Variants in ARHGEF10 observed in about 807,000 individuals in gnomAD.
ARHGEF10 encodes the protein Rho guanine nucleotide exchange factor 10.
In ARHGEF10, 140 loss-of-function variants were observed where a neutral mutation model predicts 147.4. The observed-to-expected ratio is 0.95, with a 90% CI of 0.83 to 1.09. The LOEUF (loss-of-function observed/expected upper bound fraction) is 1.09, where lower values mean the gene tolerates loss of function less well. Ranked by LOEUF, ARHGEF10 falls within the 50% of genes least tolerant of loss-of-function variation. The pLI, the probability that ARHGEF10 is intolerant of heterozygous loss-of-function variation, is 0.00. For synonymous variants in ARHGEF10, 902 were observed against 695.8 expected (o/e 1.30, Z -4.67); for missense variants, 2,222 against 1,752.7 (o/e 1.27, Z -4.78).
At chr8:1,940,678 C>A (rs1223467511) in intron 26 of ARHGEF10, among the ~76,000 whole-genome samples, 1 of 152,178 alleles carries the variant, frequency 6.6e-6, no homozygotes, top group East Asian at 1.9e-4. Context: ...GACAAGAAAA[C>A]CACAGACCGG....
intron 15 of ARHGEF10, 43 bp downstream of exon 15, chr8:1,898,568 C>T (rs539884616): frequency 2.1e-5 from 33 of 1,574,644 alleles, no homozygotes; most frequent in East Asian, 9.0e-5. Flanking sequence ...TCCTCTGGCT[C>T]GCCCATGACT....
At chr8:1,922,166 C>G (rs1043747727) in intron 18 of ARHGEF10, among the ~76,000 whole-genome samples, 1 of 151,672 alleles carries the variant, frequency 6.6e-6, no homozygotes, top group Non-Finnish European at 1.5e-5. Context: ...CACAGGAAGC[C>G]CTCTGTGAGG....
intron 2 of ARHGEF10, among the ~76,000 whole-genome samples, chr8:1,856,826 C>T (rs1237385833): frequency 6.6e-6 from 1 of 152,190 alleles, no homozygotes; most frequent in African/African-American, 2.4e-5. Context: ...GAGGTTTCCT[C>T]AGGAACGTGT....
intron 18 of ARHGEF10, among the ~76,000 whole-genome samples, chr8:1,921,121 T>A (rs1344225236): frequency 1.3e-5 from 2 of 152,212 alleles, no homozygotes; most frequent in African/African-American, 4.8e-5. Flanking sequence ...ATACTTCAAA[T>A]GCAGTTAGTA....
intron 7 of ARHGEF10, among the ~76,000 whole-genome samples, chr8:1,875,493 G>A (rs7011997): frequency 0.3 from 45,411 of 152,086 alleles, 7,368 homozygotes; most frequent in African/African-American, 0.38. Context: ...CCATTCATCC[G>A]CTGAGCTGAG....
intron 27 of ARHGEF10, among the ~76,000 whole-genome samples, chr8:1,946,340 C>G (rs1007583650): frequency 6.6e-6 from 1 of 152,200 alleles, no homozygotes; most frequent in Admixed American, 6.5e-5. Flanking sequence ...GCTCTGCCTC[C>G]GAGCCCTTCG....
chr8:1,824,518 T>C (rs1019498819), intron 1 of ARHGEF10, among the ~76,000 whole-genome samples: 17 of 151,738 alleles, frequency 1.1e-4, no homozygotes, highest in Non-Finnish European at 2.1e-4. Context: ...AGGACCGGTG[T>C]AAGGAAAGCC....
chr8:1,897,683 C>A (rs1585446773), intron 14 of ARHGEF10, among the ~76,000 whole-genome samples: 2 of 152,306 alleles, frequency 1.3e-5, no homozygotes, highest in East Asian at 3.9e-4. Flanking sequence ...GCTAGGGAAC[C>A]ATCTCTTTCT....
At chr8:1,954,153 G>A (rs1815290626) in intron 28 of ARHGEF10, among the ~76,000 whole-genome samples, 1 of 152,100 alleles carries the variant, frequency 6.6e-6, no homozygotes, top group African/African-American at 2.4e-5. Flanking sequence ...GAGTCCAGTG[G>A]CACAGTCTCG....
rs1363768504 is a variant in ARHGEF10, at chr8:1,919,158, C to A, written c.2144-3806C>A. Among the ~76,000 whole-genome samples the A allele has an allele frequency of 3.1e-5, 3 of 97,400 alleles. No individual in the cohort carries two copies. The South Asian group carries it at 1.1e-3, about 35-fold the overall frequency. 63.9% of individuals were successfully genotyped at this position (97,400 alleles called of 152,430 possible). ...TGTTCCATGGGTGATGGAGCTGTTC[C>A]GTGGGTGATGGAGCTGTTCTCTGGG... On this transcript the variant is annotated intron_variant, in intron 18 of 28. Coordinates refer to ENST00000349830, the MANE Select transcript of ARHGEF10 (RefSeq NM_014629.4).
rs1238260888 is a variant in ARHGEF10 at position 1,894,180 on chromosome 8, A to AAC, written c.1261-212_1261-211insCA. 8.6e-5 allele frequency among the ~76,000 whole-genome samples: 13 copies of AAC among 151,464 alleles called. No homozygotes were observed. In the East Asian group the frequency reaches 2.5e-3, roughly 30 times the overall value. On this transcript the variant is annotated intron_variant, in intron 12 of 28. Coordinates refer to ENST00000349830, the MANE Select transcript of ARHGEF10 (RefSeq NM_014629.4). Reference sequence around the variant, plus strand: ...CAGACTGAGACTGTCTCAAAAAAAAAAAAAAGAAAAATGTCTGAAGCAGCC... The same window carrying AAC: ...CAGACTGAGACTGTCTCAAAAAAAAAACAAAAAGAAAAATGTCTGAAGCAGCC...
intron 15 of ARHGEF10, among the ~76,000 whole-genome samples, chr8:1,902,763 A>T (rs756699909): frequency 6.6e-6 from 1 of 152,138 alleles, no homozygotes; most frequent in Admixed American, 6.5e-5. Context: ...CCACCACGAT[A>T]GTGTCATGCA....
chr8:1,823,620 G>A (rs928982062), upstream of ARHGEF10, among the ~76,000 whole-genome samples: 1 of 151,854 alleles, frequency 6.6e-6, no homozygotes, highest in Non-Finnish European at 1.5e-5. Context: ...CAGATGTTGG[G>A]GGCGGGGAGG....
chr8:1,866,575 G>C lies in ARHGEF10; in HGVS notation c.595G>C (p.Asp199His). ...CAGCGCACTTGCCCGCTGGGCCGCA[G>C]ACCCGGCCAACACAGCCTGGATGGA... ...EDSALARWAA[D>H]PANTAWMENP... The change falls in exon 6 of 29, where the codon GAC becomes CAC. Residue 199 changes from aspartate to histidine, a missense_variant. Coordinates refer to ENST00000349830, the MANE Select transcript of ARHGEF10 (RefSeq NM_014629.4). The C allele has an allele frequency of 6.2e-7, 1 of 1,607,690 alleles. No individual in the cohort carries two copies. Among genetic ancestry groups the C allele is most frequent in the Non-Finnish European group, 8.5e-7 (1 of 1,179,974 alleles).
intron 2 of ARHGEF10, among the ~76,000 whole-genome samples, chr8:1,857,393 T>A (rs1487287808): frequency 5.3e-5 from 8 of 152,012 alleles, no homozygotes; most frequent in African/African-American, 1.9e-4. Flanking sequence ...AAAGCTCTTT[T>A]TTCCCCTTAC....
chr8:1,871,861 TC>T (rs1350914733), intron 7 of ARHGEF10, among the ~76,000 whole-genome samples: 1 of 151,820 alleles, frequency 6.6e-6, no homozygotes, highest in East Asian at 1.9e-4. Flanking sequence ...GAACTGAGTA[TC>T]CAGCCAGCTG....
chr8:1,916,236 C>T (rs1811753378), intron 18 of ARHGEF10, among the ~76,000 whole-genome samples: 1 of 152,204 alleles, frequency 6.6e-6, no homozygotes, highest in Non-Finnish European at 1.5e-5. Context: ...GAAAGGTGCG[C>T]ATGCAGGAGG....
rs11987278 is a variant in ARHGEF10 at position 1,909,064 on chromosome 8, C to T, written c.1968-231C>T. ...AAAACCTCGGAGCTTCCGGGAGATCCGTCCCCTGTGCGGCTCTTCCCTGCA... is the reference window on the plus strand; with the variant it reads ...AAAACCTCGGAGCTTCCGGGAGATCTGTCCCCTGTGCGGCTCTTCCCTGCA... On this transcript the variant is annotated intron_variant, in intron 17 of 28. Transcript: ENST00000349830. Among the ~76,000 whole-genome samples, 1,125 of 152,292 alleles carry T rather than the reference C, an allele frequency of 7.4e-3. 13 individuals are homozygous for T. Among genetic ancestry groups the T allele is most frequent in the African/African-American group, 0.025 (1,038 of 41,546 alleles).
At chr8:1,893,874 A>C (rs1446637614) in intron 12 of ARHGEF10, among the ~76,000 whole-genome samples, 1 of 152,150 alleles carries the variant, frequency 6.6e-6, no homozygotes, top group African/African-American at 2.4e-5. Flanking sequence ...TCATTTATCT[A>C]AGCTTTAAAA....
Sources: allele counts gnomAD v4.1 joint callset (sites outside exome capture counted in the v4.1 genomes callset), GRCh38; gene constraint gnomAD v4.1.1; transcripts MANE v1.5; gene names NCBI Gene and HGNC (gene_info 2026-07-23, HGNC 2026-07-21).